The following NYX variants were observed in gnomAD, a reference collection of about 807,000 sequenced individuals.
NYX encodes leucine-rich repeat protein.
For missense variants in NYX, 481 were observed against 485.4 expected (o/e 0.99, Z 0.09); for synonymous variants, 258 against 245.7 (o/e 1.05, Z -0.47).
At chrX:41,464,550 C>T (rs986727473) in intron 2 of NYX, among the ~76,000 whole-genome samples, 1 of 111,722 alleles carries the variant, frequency 9.0e-6, no homozygotes, top group African/African-American at 3.2e-5. Flanking sequence ...ATTTGGAAGG[C>T]GGACATAAAC....
At chrX:41,448,561 TC>T (rs2064267425) in intron 2 of NYX, among the ~76,000 whole-genome samples, 1 of 100,437 alleles carries the variant, frequency 1.0e-5, no homozygotes, top group Admixed American at 1.1e-4. Flanking sequence ...TCTTTTCTTT[TC>T]TTTTTTTTTT....
intron 2 of NYX, among the ~76,000 whole-genome samples, chrX:41,458,030 C>T (rs1257840304): frequency 9.0e-6 from 1 of 111,642 alleles, no homozygotes; most frequent in Non-Finnish European, 1.9e-5. Flanking sequence ...CTTCCTGCGG[C>T]GCCATCCCAT....
intron 2 of NYX, among the ~76,000 whole-genome samples, chrX:41,463,167 G>T (rs1356798689): frequency 9.0e-6 from 1 of 111,328 alleles, no homozygotes; most frequent in East Asian, 2.8e-4. Context: ...TGTGAGGTAG[G>T]TGTTGAGATT....
rs2064264764 is a variant in NYX at position 41,448,058 on chromosome X, C to G, written c.22+132C>G. ...CACTTCTGATCAGGTTTCACTGACC[C>G]TGTGATCGTGGGGGAGGGGATAGAG... On this transcript the variant is annotated intron_variant, in intron 2 of 2. Transcript: ENST00000378220. 3 of 629,599 alleles carry G rather than the reference C, an allele frequency of 4.8e-6. No individual in the cohort carries two copies. The African/African-American group carries it at 6.6e-5, about 14-fold the overall frequency. 51.9% of individuals were successfully genotyped at this position (629,599 alleles called of 1,213,427 possible).
chrX:41,451,632 G>C (rs2064280470), intron 2 of NYX, among the ~76,000 whole-genome samples: 2 of 110,964 alleles, frequency 1.8e-5, no homozygotes, highest in African/African-American at 6.6e-5. Context: ...TCGTGCCTCA[G>C]CCTCCTGAGT....
intron 2 of NYX, among the ~76,000 whole-genome samples, chrX:41,451,765 C>T (rs774851351): frequency 4.5e-5 from 5 of 111,102 alleles, no homozygotes; most frequent in East Asian, 2.8e-4. Flanking sequence ...CCACCTGTCT[C>T]GGCCTCCCAA....
intron 2 of NYX, among the ~76,000 whole-genome samples, chrX:41,463,578 A>G (rs1467425344): frequency 9.1e-6 from 1 of 110,407 alleles, no homozygotes; most frequent in Non-Finnish European, 1.9e-5. Context: ...GTGCGCCACC[A>G]CACCCAGCTA....
intron 2 of NYX, among the ~76,000 whole-genome samples, chrX:41,469,034 T>C (rs2064350324): frequency 9.0e-6 from 1 of 111,237 alleles, no homozygotes; most frequent in African/African-American, 3.3e-5. Context: ...AACATCAGAA[T>C]GTTGAAGTGG....
At chrX:41,456,918 A>G (rs921626785) in intron 2 of NYX, among the ~76,000 whole-genome samples, 1 of 110,808 alleles carries the variant, frequency 9.0e-6, no homozygotes, top group Non-Finnish European at 1.9e-5. Flanking sequence ...ATTGAACCCA[A>G]CTCCCCAAGA....
chrX:41,449,746 C>T (rs1410638312), intron 2 of NYX, among the ~76,000 whole-genome samples: 1 of 111,574 alleles, frequency 9.0e-6, no homozygotes, highest in Non-Finnish European at 1.9e-5. Context: ...TACAGAAACC[C>T]GAAATATATC....
At chrX:41,452,161 T>TG (rs1309896092) in intron 2 of NYX, among the ~76,000 whole-genome samples, 5 of 109,944 alleles carry the variant, frequency 4.5e-5, no homozygotes, top group Non-Finnish European at 5.7e-5. Flanking sequence ...GTTGTAGAGA[T>TG]GGGGTTTCGC....
Position 41,474,755 on chromosome X carries a change from T to C in NYX, c.1287T>C (p.Thr429=). The C allele has an allele frequency of 8.4e-7, 1 of 1,191,389 alleles. No individual in the cohort carries two copies. The highest frequency in any genetic ancestry group is 1.1e-6 in the Non-Finnish European group (1 of 886,794). Residue 429 remains threonine, a synonymous_variant, in exon 3 of 3, where the codon ACT becomes ACC. Coordinates refer to ENST00000378220, the MANE Select transcript of NYX (RefSeq NM_001378477.3). ...CGGTGGAGGAGGCGGCCAACACCAC[T>C]GGGGGGCTGGCCAACGCCTCCCTGT... The part of the protein sequence containing the change: ...RVPVEEAANT[T]GGLANASLSD...
intron 2 of NYX, among the ~76,000 whole-genome samples, chrX:41,458,220 C>T (rs1342242487): frequency 8.9e-6 from 1 of 111,937 alleles, no homozygotes; most frequent in Non-Finnish European, 1.9e-5. Flanking sequence ...AACACGTGAA[C>T]TTAGGAGGAC....
chrX:41,448,663 A>G (rs1341646901), intron 2 of NYX, among the ~76,000 whole-genome samples: 2 of 104,354 alleles, frequency 1.9e-5, no homozygotes, highest in African/African-American at 7.1e-5. Context: ...GGTTCAAGTG[A>G]TTCTCGTGCC....
intron 2 of NYX, among the ~76,000 whole-genome samples, chrX:41,449,672 C>T (rs1012665560): frequency 9.0e-6 from 1 of 111,291 alleles, no homozygotes; most frequent in Non-Finnish European, 1.9e-5. Flanking sequence ...AAAGCTCTAC[C>T]GTTCCTCACA....
chrX:41,454,393 A>G (rs1263606332), intron 2 of NYX, among the ~76,000 whole-genome samples: 12 of 109,042 alleles, frequency 1.1e-4, no homozygotes, highest in African/African-American at 3.7e-4. Flanking sequence ...GCTCACTGCA[A>G]CCTCCGCCTC....
intron 2 of NYX, among the ~76,000 whole-genome samples, chrX:41,460,876 A>ATTTTTTTTTT (rs59383905): frequency 2.0e-4 from 5 of 24,781 alleles, no homozygotes; most frequent in Admixed American, 6.8e-4. Flanking sequence ...CACAGTATGT[A>ATTTTTTTTTT]TTTTTTTTTT....
chrX:41,460,980 C>CT (rs34029110), intron 2 of NYX, among the ~76,000 whole-genome samples: 27,826 of 87,390 alleles, frequency 0.32, 4,110 homozygotes, highest in African/African-American at 0.46. Context: ...ATAGTCATTC[C>CT]TTTTTTTTTT....
At chrX:41,458,318 T>C (rs755844197) in intron 2 of NYX, among the ~76,000 whole-genome samples, 3 of 112,003 alleles carry the variant, frequency 2.7e-5, no homozygotes, top group South Asian at 7.4e-4. Flanking sequence ...TGGGAGATAG[T>C]ACAGTATAGT....
Sources: allele counts gnomAD v4.1 joint callset (sites outside exome capture counted in the v4.1 genomes callset), GRCh38; gene constraint gnomAD v4.1.1; transcripts MANE v1.5; gene names NCBI Gene and HGNC (gene_info 2026-07-23, HGNC 2026-07-21).